HMBOX1: variants seen among roughly 807,000 people sequenced by gnomAD.
HMBOX1 encodes homeobox-containing protein 1.
HMBOX1 carries 14 observed loss-of-function variants against 54.5 expected under a neutral mutation model. The observed-to-expected ratio is 0.26, with a 90% confidence interval of 0.17 to 0.40. HMBOX1 has a LOEUF of 0.40. HMBOX1 is among the 10% of genes least tolerant of loss of function. The pLI, the probability that HMBOX1 is intolerant of heterozygous loss-of-function variation, is 1.00. For synonymous variants in HMBOX1, 160 were observed against 181.0 expected (o/e 0.88, Z 0.93); for missense variants, 332 against 514.4 (o/e 0.65, Z 3.43).
chr8:28,960,880 G>A (rs560542983), intron 1 of HMBOX1, among the ~76,000 whole-genome samples: 7 of 143,162 alleles, frequency 4.9e-5, no homozygotes, highest in East Asian at 4.3e-4. Flanking sequence ...TCTGCCTCCC[G>A]GATTCAAGCG....
At chr8:28,987,071 G>A (rs893069809) in intron 4 of HMBOX1, among the ~76,000 whole-genome samples, 1 of 152,062 alleles carries the variant, frequency 6.6e-6, no homozygotes, top group Non-Finnish European at 1.5e-5. Flanking sequence ...TACATTTTTG[G>A]TGTAAATACT....
At chr8:29,019,227 T>G (rs1366812550) in intron 6 of HMBOX1, among the ~76,000 whole-genome samples, 3 of 152,220 alleles carry the variant, frequency 2.0e-5, no homozygotes, top group Non-Finnish European at 2.9e-5. Flanking sequence ...CTTTGAAGTC[T>G]TCTTTTCATC....
chr8:28,923,271 C>T (rs544591374), intron 1 of HMBOX1, among the ~76,000 whole-genome samples: 8 of 152,294 alleles, frequency 5.3e-5, no homozygotes, highest in South Asian at 2.1e-4. Flanking sequence ...AACAGAATCA[C>T]GCAGTATACT....
intron 1 of HMBOX1, among the ~76,000 whole-genome samples, chr8:28,908,806 T>C (rs979091353): frequency 6.6e-6 from 1 of 151,688 alleles, no homozygotes; most frequent in Non-Finnish European, 1.5e-5. Flanking sequence ...TAAAATTTAG[T>C]GTTGTGTCCG....
chr8:29,009,523 CTTTTTTTTTT>C (rs10706846), intron 5 of HMBOX1: 3 of 477,336 alleles, frequency 6.3e-6, no homozygotes, highest in Non-Finnish European at 4.9e-6. Flanking sequence ...TTCCGTATCT[CTTTTTTTTTT>C]TTTTTTTTTT....
At chr8:28,971,299 C>T (rs1316857543) in intron 3 of HMBOX1, among the ~76,000 whole-genome samples, 1 of 152,040 alleles carries the variant, frequency 6.6e-6, no homozygotes, top group South Asian at 2.1e-4. Flanking sequence ...CCATGTTGAT[C>T]AGGCTGGTCT....
chr8:28,903,364 C>G (rs1813620041), intron 1 of HMBOX1, among the ~76,000 whole-genome samples: 1 of 152,166 alleles, frequency 6.6e-6, no homozygotes, highest in African/African-American at 2.4e-5. Flanking sequence ...TAGTAGGAAC[C>G]TCTTGTTTGG....
chr8:28,946,075 C>T (rs1822397709), intron 1 of HMBOX1, among the ~76,000 whole-genome samples: 1 of 151,680 alleles, frequency 6.6e-6, no homozygotes, highest in Non-Finnish European at 1.5e-5. Context: ...GCCTCAGCCT[C>T]CCAAGTAGCT....
At chr8:28,923,972 T>C (rs1817975040) in intron 1 of HMBOX1, among the ~76,000 whole-genome samples, 1 of 152,146 alleles carries the variant, frequency 6.6e-6, no homozygotes. Context: ...TTTTTTGTTG[T>C]TGTTGTTAAG....
At chr8:28,934,332 A>G (rs1820010530) in intron 1 of HMBOX1, among the ~76,000 whole-genome samples, 1 of 152,230 alleles carries the variant, frequency 6.6e-6, no homozygotes, top group Admixed American at 6.5e-5. Context: ...GAGGGTTTCT[A>G]CTAAATACCC....
chr8:28,977,900 C>T (rs1241799549), intron 3 of HMBOX1, among the ~76,000 whole-genome samples: 2 of 150,232 alleles, frequency 1.3e-5, no homozygotes, highest in East Asian at 2.0e-4. Context: ...GCCAGTATCG[C>T]GCTACTGCAC....
intron 1 of HMBOX1, among the ~76,000 whole-genome samples, chr8:28,931,819 G>A (rs889149598): frequency 1.3e-5 from 2 of 152,134 alleles, no homozygotes; most frequent in Non-Finnish European, 2.9e-5. Context: ...GGGATTACAG[G>A]CGTGAGCTAC....
At chr8:29,007,399 A>G (rs963867423) in intron 4 of HMBOX1, among the ~76,000 whole-genome samples, 4 of 152,364 alleles carry the variant, frequency 2.6e-5, no homozygotes, top group African/African-American at 7.2e-5. Context: ...GCATTTTCTT[A>G]GAAGAGGCAT....
intron 1 of HMBOX1, among the ~76,000 whole-genome samples, chr8:28,911,017 GTGTTTCAAACCTGA>G (rs950850679): frequency 4.9e-4 from 75 of 152,318 alleles, no homozygotes; most frequent in African/African-American, 1.5e-3. Flanking sequence ...GACCACGTCA[GTGTTTCAAACCTGA>G]TATTCTGGTG....
chr8:29,028,109 TC>T (rs1004787458), intron 6 of HMBOX1, among the ~76,000 whole-genome samples: 9 of 152,108 alleles, frequency 5.9e-5, no homozygotes, highest in African/African-American at 2.2e-4. Context: ...CAAAATATTC[TC>T]CCGGGCAAGG....
At chr8:28,957,163 G>A (rs1174814856) in intron 1 of HMBOX1, among the ~76,000 whole-genome samples, 2 of 152,120 alleles carry the variant, frequency 1.3e-5, no homozygotes, top group African/African-American at 2.4e-5. Flanking sequence ...TGCAATCAGC[G>A]TAGGTCCCTA....
intron 5 of HMBOX1, among the ~76,000 whole-genome samples, chr8:29,014,095 C>G (rs1444401727): frequency 6.6e-6 from 1 of 152,054 alleles, no homozygotes; most frequent in Non-Finnish European, 1.5e-5. Context: ...GTCCCCTCAC[C>G]CAGAGCTAAC....
chr8:28,925,635 G>A (rs967749357), intron 1 of HMBOX1, among the ~76,000 whole-genome samples: 10 of 82,146 alleles, frequency 1.2e-4, no homozygotes, highest in Non-Finnish European at 7.5e-5. Flanking sequence ...TTTGACCCTG[G>A]CAGTGAAAAA....
chr8:28,948,626 C>G (rs1822898080), intron 1 of HMBOX1, among the ~76,000 whole-genome samples: 1 of 152,126 alleles, frequency 6.6e-6, no homozygotes, highest in Non-Finnish European at 1.5e-5. Flanking sequence ...TTCTGAATGT[C>G]TGGAATTTTT....
Sources: gnomAD v4.1 joint callset for allele counts (sites outside exome capture counted in the v4.1 genomes callset) on GRCh38, gnomAD v4.1.1 for gene constraint, MANE v1.5 for transcripts, NCBI Gene and HGNC (gene_info 2026-07-23, HGNC 2026-07-21) for gene names.